The following ATR variants were observed in gnomAD, a reference collection of about 807,000 sequenced individuals.
ATR encodes serine/threonine-protein kinase ATR.
ATR carries 142 observed loss-of-function variants against 305.3 expected under a neutral mutation model. The observed-to-expected ratio is 0.47, with a 90% CI of 0.41 to 0.53. ATR has a LOEUF of 0.53. ATR is among the 20% of genes least tolerant of loss of function. The probability of loss-of-function intolerance (pLI) is 0.00; values close to 1 mark genes in which losing one functional copy is unlikely to be tolerated. For missense variants in ATR, 2,135 were observed against 3,133.1 expected, an observed-to-expected ratio of 0.68 and a Z score of 7.60; for synonymous variants, 1,050 against 1,068.1, an observed-to-expected ratio of 0.98 and a Z score of 0.33.
chr3:142,481,164 A>G (rs1252026494), intron 36 of ATR, among the ~76,000 whole-genome samples: 1 of 152,114 alleles, frequency 6.6e-6, no homozygotes, highest in Non-Finnish European at 1.5e-5. Context: ...GAAATCACCC[A>G]TCTTCTGCGC....
At chr3:142,566,359 C>T (rs2108495060) in intron 2 of ATR, 98 bp from the exon 3 acceptor site, 3 of 1,309,368 alleles carry the variant, frequency 2.3e-6, no homozygotes, top group Non-Finnish European at 3.2e-6. Flanking sequence ...TGCCTCACTC[C>T]TGTAACCCCT....
At position 142,559,279 on chromosome 3, in the gene ATR, T is replaced by C. The variant is rs2108479493; in HGVS notation, c.1704A>G (p.Lys568=). ...DLEATIDKVV[K]IYDALIYMQV... ...GCATATAAATCAAAGCATCATAAAT[T>C]TTCACCACCTTATCAATGGTTGCCT... The change falls in exon 7 of 47, where the codon AAA becomes AAG. Residue 568 remains lysine (K), a synonymous_variant. Coordinates refer to ENST00000350721, the MANE Select transcript of ATR (RefSeq NM_001184.4). 6.2e-7 allele frequency: 1 copy of C among 1,613,948 alleles called. No homozygotes were observed. The highest frequency in any genetic ancestry group is 8.5e-7 in the Non-Finnish European group (1 of 1,179,948).
At chr3:142,504,683 C>T (rs2032147754) in intron 29 of ATR, among the ~76,000 whole-genome samples, 3 of 152,080 alleles carry the variant, frequency 2.0e-5, no homozygotes, top group South Asian at 2.1e-4. Flanking sequence ...AGGCTAGTCT[C>T]GAACTCCTGA....
At position 142,561,367 on chromosome 3, in the gene ATR, C is replaced by T. The variant is rs777982083; in HGVS notation, c.1225G>A (p.Glu409Lys). 4.3e-6 allele frequency: 7 copies of T among 1,613,886 alleles called. No homozygotes were observed. The highest frequency in any genetic ancestry group is 5.9e-6 in the Non-Finnish European group (7 of 1,179,980). ...ALKMESMEIIEEIQCQTQQEN... is the reference protein window; with the variant it reads ...ALKMESMEIIKEIQCQTQQEN... ...TGTTGAGTTTGGCATTGAATCTCCT[C>T]AATGATTTCCATACTTTCCATTTTC... is the stretch of plus-strand genomic sequence containing the variant. The change falls in exon 5 of 47, where the codon GAG becomes AAG. Residue 409 changes from glutamate to lysine, a missense_variant. Transcript: ENST00000350721.
At position 142,469,327 on chromosome 3, in the gene ATR, A is replaced by C. The variant is rs1045843909; in HGVS notation, c.6552+10T>G. On this transcript the variant is annotated intron_variant, in intron 38 of 46. Coordinates refer to ENST00000350721, the MANE Select transcript of ATR (RefSeq NM_001184.4). ...ATCTTTTCATATAAAAAGGTAAAAG[A>C]CCCTTTTACCTTTGACACAGCTGTC... 1.9e-6 allele frequency: 3 copies of C among 1,591,882 alleles called. No homozygotes were observed. The highest frequency in any genetic ancestry group is 8.6e-7 in the Non-Finnish European group (1 of 1,160,944).
intron 36 of ATR, among the ~76,000 whole-genome samples, chr3:142,474,333 A>G (rs935442838): frequency 6.6e-6 from 1 of 152,168 alleles, no homozygotes; most frequent in African/African-American, 2.4e-5. Flanking sequence ...GGCACTATGA[A>G]CATTTTAATA....
intron 35 of ATR, among the ~76,000 whole-genome samples, chr3:142,487,007 C>CT (rs1178511659): frequency 6.6e-6 from 1 of 151,204 alleles, no homozygotes; most frequent in Non-Finnish European, 1.5e-5. Context: ...TGGCAGGCGC[C>CT]TGTAGTCCCA....
At chr3:142,572,746 G>C (rs1027430820) in intron 1 of ATR, among the ~76,000 whole-genome samples, 1 of 151,708 alleles carries the variant, frequency 6.6e-6, no homozygotes, top group Admixed American at 6.6e-5. Flanking sequence ...TCCAGCCTCG[G>C]TGACAAAACC....
intron 29 of ATR, among the ~76,000 whole-genome samples, chr3:142,504,458 G>T (rs1313301271): frequency 1.3e-5 from 2 of 151,646 alleles, no homozygotes; most frequent in African/African-American, 4.8e-5. Context: ...ATATAGTATT[G>T]GAAGGGACCT....
rs2031786313 is a variant in ATR at position 142,498,741 on chromosome 3, C to G, written c.5414G>C (p.Gly1805Ala). 1.2e-6 allele frequency: 2 copies of G among 1,614,030 alleles called. No individual in the cohort carries two copies. The highest frequency in any genetic ancestry group is 1.7e-6 in the Non-Finnish European group (2 of 1,179,998). ...TTTTTTGGCTGATAATAATAGCTGT[C>G]CCAGTCTGACACTCCATGTTGTAGA... ...GKSTTWSVRLGQLLLSAKKRD... is the reference protein window; with the variant it reads ...GKSTTWSVRLAQLLLSAKKRD... Residue 1805 changes from glycine to alanine, a missense_variant, in exon 32 of 47, where the codon GGA becomes GCA. By Grantham distance (60) the Gly-to-Ala change is moderately conservative. Coordinates refer to ENST00000350721, the MANE Select transcript of ATR (RefSeq NM_001184.4).
rs764876697 is a variant in ATR, at chr3:142,464,839, AT to A, written c.7041+257del. Among the ~76,000 whole-genome samples, 276 of 152,318 alleles carry A rather than the reference AT, an allele frequency of 1.8e-3. 1 individual carries two copies. Among genetic ancestry groups the A allele is most frequent in the Non-Finnish European group, 3.4e-3 (234 of 68,024 alleles). ...TGAATGTACTTAATGCCACTGAACA[AT>A]ATACTTCAAAAACTGTCAAATGTTA... On this transcript the variant is annotated intron_variant, in intron 41 of 46. Coordinates refer to ENST00000350721, the MANE Select transcript of ATR (RefSeq NM_001184.4).
chr3:142,577,868 T>C (rs113153634), intron 1 of ATR, among the ~76,000 whole-genome samples: 2,728 of 152,326 alleles, frequency 0.018, 29 homozygotes, highest in South Asian at 0.041. Flanking sequence ...TGCCTGTGTA[T>C]TGAAGAGGTG....
chr3:142,472,698 T>C (rs1280081504), intron 36 of ATR, among the ~76,000 whole-genome samples: 2 of 152,126 alleles, frequency 1.3e-5, no homozygotes, highest in African/African-American at 2.4e-5. Context: ...AGTGCAGTGA[T>C]ATGATCCTGG....
Position 142,469,547 on chromosome 3 carries a change from T to C in ATR, c.6342A>G (p.Gln2114=), listed in dbSNP as rs764575402. 2 of 1,613,584 alleles carry C rather than the reference T, an allele frequency of 1.2e-6. No individual in the cohort carries two copies. The highest frequency in any genetic ancestry group is 1.7e-6 in the Non-Finnish European group (2 of 1,179,756). Residue 2114 remains glutamine, a synonymous_variant, in exon 38 of 47, where the codon CAA becomes CAG. Transcript: ENST00000350721. ...TTATTTTACCCAAATCATTCCTCAT[T>C]TGTACACGATCGGAGCGGCCAGCTG... is the stretch of plus-strand genomic sequence containing the variant. The part of the protein sequence containing the change: ...WEKAGRSDRV[Q]MRNDLGKINK...
At chr3:142,454,643 G>A (rs913225281) in intron 45 of ATR, among the ~76,000 whole-genome samples, 2 of 151,366 alleles carry the variant, frequency 1.3e-5, no homozygotes, top group African/African-American at 4.9e-5. Flanking sequence ...GGGTTTCACC[G>A]TGTTAGCCAG....
chr3:142,570,401 T>C (rs921682571), intron 1 of ATR, among the ~76,000 whole-genome samples: 3 of 152,198 alleles, frequency 2.0e-5, no homozygotes, highest in Admixed American at 6.5e-5. Flanking sequence ...TTATTTACTT[T>C]TTGAGACAGA....
chr3:142,526,516 G>GTA (rs899592735), intron 21 of ATR, among the ~76,000 whole-genome samples: 11 of 151,518 alleles, frequency 7.3e-5, no homozygotes, highest in East Asian at 1.9e-4. Flanking sequence ...TATGTACTAT[G>GTA]TATATATATA....
intron 36 of ATR, among the ~76,000 whole-genome samples, chr3:142,481,268 T>C (rs1002848581): frequency 2.0e-5 from 3 of 152,244 alleles, no homozygotes; most frequent in African/African-American, 7.2e-5. Flanking sequence ...GGATGTTGAA[T>C]TTTGTCAAGT....
In ATR at chr3:142,504,750, C is replaced by T. The variant is rs543461053; in HGVS notation, c.5196+389G>A. Among the ~76,000 whole-genome samples the T allele has an allele frequency of 3.9e-4, 59 of 152,308 alleles. No homozygotes were observed. In the Middle Eastern group the frequency reaches 0.01, roughly 26 times the overall value. On this transcript the variant is annotated intron_variant, in intron 29 of 46. Transcript: ENST00000350721. ...AAGTGCTGGGATTACAGGCATGAGC[C>T]GCCGCATCCGGCCTGGAAGGAATTT...
Sources: allele counts gnomAD v4.1 joint callset (sites outside exome capture counted in the v4.1 genomes callset), GRCh38; gene constraint gnomAD v4.1.1; transcripts MANE v1.5; gene names NCBI Gene and HGNC (gene_info 2026-07-23, HGNC 2026-07-21).